The following NUCKS1 variants were observed in gnomAD, a reference collection of about 807,000 sequenced individuals.
The protein encoded by NUCKS1 is nuclear ubiquitous casein and cyclin-dependent kinase substrate 1.
NUCKS1 carries 2 observed loss-of-function variants against 33.0 expected under a neutral mutation model. The observed-to-expected ratio is 0.06, with a 90% CI of 0.02 to 0.19. The LOEUF (loss-of-function observed/expected upper bound fraction) is 0.19, where lower values mean the gene tolerates loss of function less well. NUCKS1 is among the 10% of genes least tolerant of loss of function. NUCKS1 has a pLI of 1.00. For missense variants in NUCKS1, 201 were observed against 293.6 expected (o/e 0.68, Z 2.31); for synonymous variants, 106 against 102.8 (o/e 1.03, Z -0.19).
Position 205,750,018 on chromosome 1 carries a change from A to AGGGGGGGGGGGGGGGGGGGGGGGGGGGG in NUCKS1, c.-46_-45insCCCCCCCCCCCCCCCCCCCCCCCCCCCC. 1 of 964,082 alleles carries AGGGGGGGGGGGGGGGGGGGGGGGGGGGG rather than the reference A, an allele frequency of 1.0e-6. No homozygotes were observed. The highest frequency in any genetic ancestry group is 1.5e-6 in the Non-Finnish European group (1 of 684,576). 59.7% of individuals were successfully genotyped at this position (964,082 alleles called of 1,614,324 possible). A position where few individuals can be genotyped will look rare whatever the true frequency, so the allele number is the denominator to read the frequency against. On this transcript the variant is annotated 5_prime_UTR_variant, in exon 1 of 7. Transcript: ENST00000367142. ...CCGAGTCGAGAAGCCAAAGACCAGG[A>AGGGGGGGGGGGGGGGGGGGGGGGGGGGG]CCCCCCCCACCCCGCGCGCTCGGCG...
Position 205,749,992 on chromosome 1 carries a change from A to G in NUCKS1, c.-19T>C. The G allele has an allele frequency of 6.3e-7, 1 of 1,587,194 alleles. No individual in the cohort carries two copies. The highest frequency in any genetic ancestry group is 8.6e-7 in the Non-Finnish European group (1 of 1,164,724). ...GCGACATGTTCGCTGTCGAAACAGG[A>G]CCGAGTCGAGAAGCCAAAGACCAGG... On this transcript the variant is annotated 5_prime_UTR_variant, in exon 1 of 7. Transcript: ENST00000367142.
At position 205,716,435 on chromosome 1, in the gene NUCKS1, C is replaced by CT. The variant is rs762026553; in HGVS notation, c.*1844dup. 52 of 152,266 alleles carry CT rather than the reference C, an allele frequency of 3.4e-4. No homozygotes were observed. Among genetic ancestry groups the CT allele is most frequent in the Non-Finnish European group, 5.4e-4 (37 of 68,012 alleles). 9.4% of individuals were successfully genotyped at this position (152,266 alleles called of 1,614,324 possible). A position where few individuals can be genotyped will look rare whatever the true frequency, so the allele number is the denominator to read the frequency against. ...AACCCATTTAGGCAAATAGATTAAT[C>CT]TTTAACACCCTCATTACAAAGTTCA... On this transcript the variant is annotated 3_prime_UTR_variant, in exon 7 of 7. Coordinates refer to ENST00000367142, the MANE Select transcript of NUCKS1 (RefSeq NM_022731.5).
chr1:205,734,848 T>C (rs951897224), intron 1 of NUCKS1, among the ~76,000 whole-genome samples: 2 of 152,120 alleles, frequency 1.3e-5, no homozygotes, highest in East Asian at 1.9e-4. Flanking sequence ...TGGGCCAAGA[T>C]TGTGCCACTG....
At chr1:205,749,917 C>G in intron 1 of NUCKS1, 40 bp downstream of exon 1, 1 of 1,578,054 alleles carries the variant, frequency 6.3e-7, no homozygotes, top group Non-Finnish European at 8.7e-7. Flanking sequence ...TCGCCCCCAT[C>G]CCCCTCCAAC....
chr1:205,724,700 C>G (rs553318108), intron 3 of NUCKS1, among the ~76,000 whole-genome samples: 1 of 151,588 alleles, frequency 6.6e-6, no homozygotes, highest in Non-Finnish European at 1.5e-5. Context: ...TCCCCACCCC[C>G]CCCAAAAAAA....
Position 205,714,016 on chromosome 1 carries a change from A to G in NUCKS1, c.*4264T>C, listed in dbSNP as rs1433987260. On this transcript the variant is annotated 3_prime_UTR_variant, in exon 7 of 7. Transcript: ENST00000367142. ...CTTTAACCTTGTAGGAATTAGATGC[A>G]TAAGGTTTGCTGCAACATGTTCATG... The G allele has an allele frequency of 2.6e-5, 4 of 152,224 alleles. No homozygotes were observed. Among genetic ancestry groups the G allele is most frequent in the African/African-American group, 7.2e-5 (3 of 41,462 alleles). 9.4% of individuals were successfully genotyped at this position (152,224 alleles called of 1,614,324 possible).
intron 3 of NUCKS1, among the ~76,000 whole-genome samples, chr1:205,725,793 A>C (rs1200097613): frequency 6.6e-6 from 1 of 152,240 alleles, no homozygotes; most frequent in Non-Finnish European, 1.5e-5. Context: ...GAAAAACTGT[A>C]AGCTAGATGT....
chr1:205,739,827 G>T (rs912519805), intron 1 of NUCKS1, among the ~76,000 whole-genome samples: 1 of 151,970 alleles, frequency 6.6e-6, no homozygotes. Flanking sequence ...TGACTCAAGC[G>T]ATCTGCCCTC....
Position 205,750,153 on chromosome 1 carries a change from C to T in NUCKS1, c.-180G>A. 1 of 644,148 alleles carries T rather than the reference C, an allele frequency of 1.6e-6. No homozygotes were observed. Among genetic ancestry groups the T allele is most frequent in the Non-Finnish European group, 2.7e-6 (1 of 365,802 alleles). The allele number at this position is 644,148 out of a possible 1,614,324, so 39.9% of individuals were successfully genotyped here. A position where few individuals can be genotyped will look rare whatever the true frequency, so the allele number is the denominator to read the frequency against. ...TTCAGGGCTCCTGGAACAGACGAGC[C>T]CCCCGCTCCCCCGTCTCTTCAAAAT... On this transcript the variant is annotated 5_prime_UTR_variant, in exon 1 of 7. Coordinates refer to ENST00000367142, the MANE Select transcript of NUCKS1 (RefSeq NM_022731.5).
intron 1 of NUCKS1, among the ~76,000 whole-genome samples, chr1:205,744,961 CAGG>C (rs1654280333): frequency 2.0e-5 from 3 of 152,080 alleles, no homozygotes; most frequent in Admixed American, 1.3e-4. Flanking sequence ...TGATTGTTTA[CAGG>C]AGTACTACCC....
chr1:205,750,059 A>T lies in NUCKS1; in HGVS notation c.-86T>A. 1.2e-6 allele frequency: 1 copy of T among 819,028 alleles called. No individual in the cohort carries two copies. Among genetic ancestry groups the T allele is most frequent in the Non-Finnish European group, 1.5e-6 (1 of 647,362 alleles). The allele number at this position is 819,028 out of a possible 1,614,324, so 50.7% of individuals were successfully genotyped here. On this transcript the variant is annotated 5_prime_UTR_variant, in exon 1 of 7. Coordinates refer to ENST00000367142, the MANE Select transcript of NUCKS1 (RefSeq NM_022731.5). ...GCGCTCGGCGCCCCACCCCCCCCGA[A>T]CTTCAGCCGATGGGACCGCTGCTGC... is the stretch of plus-strand genomic sequence containing the variant.
At chr1:205,735,839 C>A (rs901721482) in intron 1 of NUCKS1, among the ~76,000 whole-genome samples, 9 of 152,128 alleles carry the variant, frequency 5.9e-5, no homozygotes, top group Non-Finnish European at 5.9e-5. Context: ...ATGATTAAGT[C>A]ACTTTGTTGA....
chr1:205,723,423 A>G (rs1342707005), intron 4 of NUCKS1, among the ~76,000 whole-genome samples: 3 of 152,160 alleles, frequency 2.0e-5, no homozygotes, highest in Non-Finnish European at 2.9e-5. Context: ...TTTAAGTTAA[A>G]ATTTTTACAA....
In NUCKS1 at chr1:205,723,345, C is replaced by T. The variant is rs149296658; in HGVS notation, c.229+581G>A. Among the ~76,000 whole-genome samples, 989 of 152,204 alleles carry T rather than the reference C, an allele frequency of 6.5e-3. 8 individuals carry two copies. Among genetic ancestry groups the T allele is most frequent in the African/African-American group, 0.022 (928 of 41,544 alleles). ...GATTAAATTTAAAAATAAATACCAA[C>T]AACAAGTAGAATCATCAGGACTGAA... On this transcript the variant is annotated intron_variant, in intron 4 of 6. Coordinates refer to ENST00000367142, the MANE Select transcript of NUCKS1 (RefSeq NM_022731.5).
intron 6 of NUCKS1, 117 bp from the exon 7 acceptor site, chr1:205,718,596 C>T: frequency 1.4e-6 from 2 of 1,446,268 alleles, no homozygotes; most frequent in Non-Finnish European, 9.3e-7. Context: ...ATGCAACTTA[C>T]TAAAAACCAA....
chr1:205,721,885 G>C (rs1671924654), intron 4 of NUCKS1, among the ~76,000 whole-genome samples: 1 of 151,954 alleles, frequency 6.6e-6, no homozygotes, highest in Non-Finnish European at 1.5e-5. Context: ...TGTTGGTCAG[G>C]CTGGTCTCGA....
At position 205,719,938 on chromosome 1, in the gene NUCKS1, T is replaced by A. The variant is rs1671892149; in HGVS notation, c.383-262A>T. On this transcript the variant is annotated intron_variant, in intron 5 of 6. Transcript: ENST00000367142. ...TGAAAACAGGAAGGGTAAGAGTTAA[T>A]CTGAATAAAAACTGAAACTATCAAA... Among the ~76,000 whole-genome samples, 3 of 152,174 alleles carry A rather than the reference T, an allele frequency of 2.0e-5. No homozygotes were observed. In the South Asian group the frequency reaches 6.2e-4, roughly 32 times the overall value.
At chr1:205,730,729 C>T (rs1290375726) in intron 1 of NUCKS1, among the ~76,000 whole-genome samples, 3 of 150,996 alleles carry the variant, frequency 2.0e-5, no homozygotes, top group African/African-American at 4.9e-5. Flanking sequence ...GTGATCCGCC[C>T]GTCTTGGCCT....
At chr1:205,725,694 A>C (rs1452165512) in intron 3 of NUCKS1, among the ~76,000 whole-genome samples, 1 of 152,214 alleles carries the variant, frequency 6.6e-6, no homozygotes, top group East Asian at 1.9e-4. Flanking sequence ...TCTGAGAATA[A>C]ATACACAAGG....
Sources: gnomAD v4.1 joint callset for allele counts (sites outside exome capture counted in the v4.1 genomes callset) on GRCh38, gnomAD v4.1.1 for gene constraint, MANE v1.5 for transcripts, NCBI Gene and HGNC (gene_info 2026-07-23, HGNC 2026-07-21) for gene names.